DGKD: variants seen among roughly 807,000 people sequenced by gnomAD.
DGKD encodes DAG kinase delta.
In DGKD, 68 loss-of-function variants were observed where a neutral mutation model predicts 154.4. The observed-to-expected ratio is 0.44, with a 90% CI of 0.36 to 0.54. The LOEUF (loss-of-function observed/expected upper bound fraction) is 0.54. DGKD is among the 20% of genes least tolerant of loss of function. The probability of loss-of-function intolerance (pLI) is 0.00; values close to 1 mark genes in which losing one functional copy is unlikely to be tolerated. For missense variants in DGKD, 1,343 were observed against 1,593.6 expected (o/e 0.84, Z 2.68); for synonymous variants, 693 against 638.0 (o/e 1.09, Z -1.30).
chr2:233,418,647 G>A (rs545145525), intron 3 of DGKD, among the ~76,000 whole-genome samples: 1 of 152,360 alleles, frequency 6.6e-6, no homozygotes, highest in Admixed American at 6.5e-5. Context: ...GGAGGCAGGA[G>A]TGGGTCAGAT....
intron 19 of DGKD, among the ~76,000 whole-genome samples, 163 bp from the exon 20 acceptor site, chr2:233,456,736 C>T (rs1193487022): frequency 6.6e-6 from 1 of 152,152 alleles, no homozygotes; most frequent in South Asian, 2.1e-4. Flanking sequence ...TTATGCATAT[C>T]TGCAAAAACA....
rs150294529 is a variant in DGKD at position 233,434,828 on chromosome 2, C to T, written c.513C>T (p.His171=). ...SGMHNWYACS[H]ARPTYCNVCR... ...TGCACAATTGGTACGCCTGTTCCCA[C>T]GCGAGGCCGACCTACTGCAATGTGT... The change falls in exon 5 of 30, where the codon CAC becomes CAT. Residue 171 remains histidine, a synonymous_variant. Coordinates refer to ENST00000264057, the MANE Select transcript of DGKD (RefSeq NM_152879.3). 3.1e-4 allele frequency: 506 copies of T among 1,614,122 alleles called. No individual in the cohort carries two copies. The highest frequency in any genetic ancestry group is 4.0e-4 in the Non-Finnish European group (469 of 1,180,050).
At chr2:233,467,259 C>G in intron 28 of DGKD, 56 bp downstream of exon 28, 1 of 1,258,938 alleles carries the variant, frequency 7.9e-7, no homozygotes, top group African/African-American at 1.5e-5. Flanking sequence ...TGGATCGGCC[C>G]CGTTCCCCTG....
At chr2:233,395,156 CTTGTTTGT>C (rs10534580) in intron 3 of DGKD, among the ~76,000 whole-genome samples, 1 of 151,422 alleles carries the variant, frequency 6.6e-6, no homozygotes, top group Non-Finnish European at 1.5e-5. Context: ...ATTGTGCTTT[CTTGTTTGT>C]TTGTTTGTTT....
rs543779857 is a variant in DGKD, at chr2:233,388,150, T to C, written c.157-107T>C. 18 of 1,549,876 alleles carry C rather than the reference T, an allele frequency of 1.2e-5. No homozygotes were observed. The African/African-American group carries it at 2.5e-4, about 21-fold the overall frequency. On this transcript the variant is annotated intron_variant, in intron 1 of 29. Coordinates refer to ENST00000264057, the MANE Select transcript of DGKD (RefSeq NM_152879.3). Reference sequence around the variant, plus strand: ...TGTTGAGAGTGTGAGAAATATTTTCTGTTAGAGACACGAATATGTTTCAGC... The same window carrying C: ...TGTTGAGAGTGTGAGAAATATTTTCCGTTAGAGACACGAATATGTTTCAGC...
intron 1 of DGKD, among the ~76,000 whole-genome samples, chr2:233,365,176 A>T (rs1254390865): frequency 6.6e-6 from 1 of 152,224 alleles, no homozygotes; most frequent in Non-Finnish European, 1.5e-5. Context: ...TGCTGTATAC[A>T]TCAAGTAGAC....
In DGKD at chr2:233,467,179, G is replaced by A. The variant is rs201463950; in HGVS notation, c.3400G>A (p.Ala1134Thr). 4.3e-6 allele frequency: 7 copies of A among 1,613,978 alleles called. No homozygotes were observed. The highest frequency in any genetic ancestry group is 5.9e-6 in the Non-Finnish European group (7 of 1,179,970). ...KKEKNNKNKE[A>T]HSSLGAPVHL... The stretch of plus-strand genomic sequence containing the variant: ...GGAGAAAAACAACAAGAACAAAGAA[G>A]CTCACAGTAGCCTGGGAGCCCCGGG... Residue 1134 changes from alanine to threonine, a missense_variant, in exon 28 of 30, where the codon GCT becomes ACT. Transcript: ENST00000264057.
At chr2:233,384,540 C>G (rs1466993943) in intron 1 of DGKD, among the ~76,000 whole-genome samples, 3 of 152,214 alleles carry the variant, frequency 2.0e-5, no homozygotes, top group East Asian at 3.9e-4. Flanking sequence ...GCAGAGTCAG[C>G]ACATCCAGAA....
Position 233,449,419 on chromosome 2 carries a change from A to G in DGKD, c.1888+43A>G. On this transcript the variant is annotated intron_variant, in intron 15 of 29. Transcript: ENST00000264057. The surrounding 1 kb of genome is among the most constrained non-coding windows in gnomAD (Gnocchi z 5.3). Reference sequence around the variant, plus strand: ...GAGGAGGGGCTTTCCTCAGGCCAGCACTGGGCATGCCCAGCGTCCCCTGAA... The same window carrying G: ...GAGGAGGGGCTTTCCTCAGGCCAGCGCTGGGCATGCCCAGCGTCCCCTGAA... 1 of 1,560,838 alleles carries G rather than the reference A, an allele frequency of 6.4e-7. No homozygotes were observed. Among genetic ancestry groups the G allele is most frequent in the East Asian group, 2.3e-5 (1 of 43,882 alleles).
At position 233,354,546 on chromosome 2, in the gene DGKD, C is replaced by T. The variant is rs1229827757; in HGVS notation, c.28C>T (p.Pro10Ser). The change falls in exon 1 of 30, where the codon CCG (proline) becomes TCG (serine). Residue 10 changes from proline (P) to serine (S), a missense_variant. Physicochemically the swap from Pro to Ser is moderately conservative, Grantham distance 74. Transcript: ENST00000264057. The surrounding 1 kb of genome is among the most constrained non-coding windows in gnomAD (Gnocchi z 4.8). MAAAAGAPPPGPPQPPPPPP... is the reference protein window; with the variant it reads MAAAAGAPPSGPPQPPPPPP... ...GGCGGCGGCGGCGGGCGCCCCTCCGCCGGGTCCCCCGCAACCGCCTCCGCC... is the reference window on the plus strand; with the variant it reads ...GGCGGCGGCGGCGGGCGCCCCTCCGTCGGGTCCCCCGCAACCGCCTCCGCC... 3.0e-6 allele frequency: 3 copies of T among 1,012,974 alleles called. No individual in the cohort carries two copies. The highest frequency in any genetic ancestry group is 3.5e-6 in the Non-Finnish European group (3 of 848,572). 62.7% of individuals were successfully genotyped at this position (1,012,974 alleles called of 1,614,324 possible).
chr2:233,391,590 A>C (rs1330280733), intron 3 of DGKD, among the ~76,000 whole-genome samples: 1 of 152,230 alleles, frequency 6.6e-6, no homozygotes, highest in Non-Finnish European at 1.5e-5. Flanking sequence ...TAGAACTTTT[A>C]AAGCTGTTTT....
At chr2:233,375,640 C>G (rs560674650) in intron 1 of DGKD, among the ~76,000 whole-genome samples, 3 of 152,214 alleles carry the variant, frequency 2.0e-5, no homozygotes, top group Admixed American at 6.5e-5. Context: ...TGCCTCTAGT[C>G]CAGGCAGCAC....
Position 233,450,097 on chromosome 2 carries a change from C to T in DGKD, c.2004C>T (p.Ser668=), listed in dbSNP as rs2063223423. 1 of 1,613,462 alleles carries T rather than the reference C, an allele frequency of 6.2e-7. No individual in the cohort carries two copies. The highest frequency in any genetic ancestry group is 1.3e-5 in the African/African-American group (1 of 74,934). The stretch of plus-strand genomic sequence containing the variant: ...GCCCACCACTGTCCCACAGCGAGAG[C>T]TTCGGGGTCCCCAAGGGGAGGAGCC... ...RVCPPLSHSE[S]FGVPKGRSQR... The change falls in exon 16 of 30, where the codon AGC becomes AGT. Residue 668 remains serine, a synonymous_variant. Coordinates refer to ENST00000264057, the MANE Select transcript of DGKD (RefSeq NM_152879.3).
intron 3 of DGKD, among the ~76,000 whole-genome samples, chr2:233,405,422 G>C (rs1423659396): frequency 2.6e-5 from 4 of 152,238 alleles, no homozygotes; most frequent in African/African-American, 9.6e-5. Flanking sequence ...GGAGGCTGAG[G>C]CAGGAGAATC....
intron 3 of DGKD, among the ~76,000 whole-genome samples, chr2:233,404,908 T>C (rs937380460): frequency 1.3e-5 from 2 of 151,948 alleles, no homozygotes; most frequent in African/African-American, 4.8e-5. Context: ...GAGTACACAC[T>C]TGCATGAGGG....
rs1392097310 is a variant in DGKD, at chr2:233,471,571, CTG to C, written c.*2114_*2115del. 3 of 152,398 alleles carry C rather than the reference CTG, an allele frequency of 2.0e-5. No individual in the cohort carries two copies. The highest frequency in any genetic ancestry group is 1.3e-4 in the Admixed American group (2 of 15,292). 9.4% of individuals were successfully genotyped at this position (152,398 alleles called of 1,614,324 possible). A position where few individuals can be genotyped will look rare whatever the true frequency, so the allele number is the denominator to read the frequency against. On this transcript the variant is annotated 3_prime_UTR_variant, in exon 30 of 30. Transcript: ENST00000264057. ...GGACATGAGGAGGATAAACAGCTGA[CTG>C]TGGCTTCAAGGACATCAGGGCCACC...
intron 3 of DGKD, among the ~76,000 whole-genome samples, chr2:233,399,962 C>T (rs2061517433): frequency 6.6e-6 from 1 of 152,136 alleles, no homozygotes; most frequent in African/African-American, 2.4e-5. Context: ...ATATTAATAA[C>T]AGTGTTGAAG....
chr2:233,437,645 G>A (rs1227958453), intron 8 of DGKD, among the ~76,000 whole-genome samples, 166 bp downstream of exon 8: 1 of 152,230 alleles, frequency 6.6e-6, no homozygotes, highest in Non-Finnish European at 1.5e-5. Flanking sequence ...GGCACACGGC[G>A]CCCTGATGCT....
In DGKD at chr2:233,380,681, G is replaced by T. The variant is rs186999019; in HGVS notation, c.157-7576G>T. On this transcript the variant is annotated intron_variant, in intron 1 of 29. Transcript: ENST00000264057. ...GTGAGGATGTGTGTGTGTGTGTGTG[G>T]GGGGGTGTTAACACCACATACCGCA... 5.3e-3 allele frequency among the ~76,000 whole-genome samples: 801 copies of T among 152,034 alleles called. 2 individuals are homozygous for T. The highest frequency in any genetic ancestry group is 7.7e-3 in the Non-Finnish European group (523 of 67,976).
Sources: allele counts gnomAD v4.1 joint callset (sites outside exome capture counted in the v4.1 genomes callset), GRCh38; gene constraint gnomAD v4.1.1; non-coding constraint Gnocchi (gnomAD v3.1); transcripts MANE v1.5; gene names NCBI Gene and HGNC (gene_info 2026-07-23, HGNC 2026-07-21).